Variants in PDE4B observed in about 807,000 individuals in gnomAD.
PDE4B encodes the protein 3',5'-cyclic-AMP phosphodiesterase 4B.
A neutral mutation model predicts 82.2 loss-of-function variants in PDE4B; 20 were observed. The ratio of observed to expected loss-of-function variants is 0.24; its 90% CI spans 0.17 to 0.35. The LOEUF (loss-of-function observed/expected upper bound fraction) is 0.35, where lower values mean the gene tolerates loss of function less well. Ranked by LOEUF, PDE4B falls within the 10% of genes least tolerant of loss-of-function variation. The pLI is 1.00. For missense variants in PDE4B, 655 were observed against 907.2 expected (o/e 0.72, Z 3.57); for synonymous variants, 320 against 318.9 (o/e 1.00, Z -0.04).
intron 3 of PDE4B, among the ~76,000 whole-genome samples, chr1:66,222,898 C>A (rs1651112418): frequency 6.6e-6 from 1 of 151,982 alleles, no homozygotes; most frequent in Non-Finnish European, 1.5e-5. Context: ...ATCTTAATGG[C>A]TTTTCATTAT....
chr1:65,846,559 A>G (rs113234023), intron 1 of PDE4B, among the ~76,000 whole-genome samples: 1,655 of 152,258 alleles, frequency 0.011, 38 homozygotes, highest in African/African-American at 0.037. Context: ...CTTTGAGTTA[A>G]TTTAATTTAT....
At chr1:66,046,548 C>A (rs974735370) in intron 3 of PDE4B, among the ~76,000 whole-genome samples, 1 of 151,746 alleles carries the variant, frequency 6.6e-6, no homozygotes, top group Non-Finnish European at 1.5e-5. Context: ...CAGGAGTGAG[C>A]AAGATACATC....
intron 3 of PDE4B, among the ~76,000 whole-genome samples, chr1:65,972,089 T>C (rs1650169208): frequency 1.3e-5 from 2 of 152,210 alleles, no homozygotes; most frequent in Non-Finnish European, 2.9e-5. Flanking sequence ...TGGTAATATA[T>C]TATGACTGTG....
chr1:65,887,247 T>TTTCTTTCC lies in PDE4B; in HGVS notation c.-70-25996_-70-25995insCTTTCCTT, dbSNP rs1297971405. ...CTTTCTTTCTTTCTTTCTTTCTTTC[T>TTTCTTTCC]TTTCTTTCTTTCTTTCCTTCCTTCT... is the stretch of plus-strand genomic sequence containing the variant. On this transcript the variant is annotated intron_variant, in intron 1 of 16. Coordinates refer to ENST00000341517, the MANE Select transcript of PDE4B (RefSeq NM_002600.4). 1.3e-4 allele frequency among the ~76,000 whole-genome samples: 5 copies of TTTCTTTCC among 37,728 alleles called. 1 individual carries two copies. Among genetic ancestry groups the TTTCTTTCC allele is most frequent in the African/African-American group, 5.3e-4 (5 of 9,446 alleles). 24.8% of individuals were successfully genotyped at this position (37,728 alleles called of 152,430 possible).
At chr1:66,272,342 GGTT>G (rs1447531588) in intron 7 of PDE4B, among the ~76,000 whole-genome samples, 1 of 152,142 alleles carries the variant, frequency 6.6e-6, no homozygotes, top group African/African-American at 2.4e-5. Flanking sequence ...CTTCAAATCT[GGTT>G]GTCAGAAACT....
intron 7 of PDE4B, among the ~76,000 whole-genome samples, chr1:66,309,884 C>A (rs776316484): frequency 2.0e-5 from 3 of 152,176 alleles, no homozygotes; most frequent in Non-Finnish European, 2.9e-5. Context: ...TGGCTTCAAG[C>A]AGCCACTTAG....
intron 1 of PDE4B, among the ~76,000 whole-genome samples, chr1:65,797,215 A>G (rs892487586): frequency 6.6e-6 from 1 of 152,088 alleles, no homozygotes; most frequent in Admixed American, 6.5e-5. Context: ...CGGCCTCCCA[A>G]AGTGCTGGGA....
At chr1:65,795,895 C>A (rs1274054378) in intron 1 of PDE4B, among the ~76,000 whole-genome samples, 4 of 152,176 alleles carry the variant, frequency 2.6e-5, no homozygotes, top group Non-Finnish European at 4.4e-5. Context: ...ATGTTCTTAC[C>A]CCATACATTC....
At chr1:66,334,816 G>T (rs549471535) in intron 8 of PDE4B, among the ~76,000 whole-genome samples, 1 of 152,146 alleles carries the variant, frequency 6.6e-6, no homozygotes, top group African/African-American at 2.4e-5. Flanking sequence ...TATGATATAA[G>T]GCAATGAGGC....
chr1:66,059,334 C>T (rs933296913), intron 3 of PDE4B, among the ~76,000 whole-genome samples: 2 of 152,208 alleles, frequency 1.3e-5, no homozygotes, highest in Non-Finnish European at 2.9e-5. Flanking sequence ...CCAAACTGTT[C>T]CAACCTCTGC....
chr1:66,045,027 C>T (rs975741787), intron 3 of PDE4B, among the ~76,000 whole-genome samples: 2 of 151,580 alleles, frequency 1.3e-5, no homozygotes, highest in African/African-American at 4.8e-5. Flanking sequence ...AATAACCAGC[C>T]ACTATATGTA....
chr1:65,886,313 T>C (rs1646776129), intron 1 of PDE4B, among the ~76,000 whole-genome samples: 1 of 152,160 alleles, frequency 6.6e-6, no homozygotes, highest in Admixed American at 6.6e-5. Context: ...ATGCGCTGAC[T>C]CTAATGATCA....
chr1:66,045,468 G>A (rs1654651383), intron 3 of PDE4B, among the ~76,000 whole-genome samples: 1 of 151,690 alleles, frequency 6.6e-6, no homozygotes, highest in Non-Finnish European at 1.5e-5. Flanking sequence ...TTTCTAGCAT[G>A]TCTTTCTGAA....
intron 7 of PDE4B, among the ~76,000 whole-genome samples, chr1:66,281,507 T>C (rs1291266804): frequency 1.3e-5 from 2 of 152,218 alleles, no homozygotes; most frequent in Admixed American, 6.5e-5. Context: ...CCTAGACATA[T>C]GTAGGAAGTT....
At chr1:66,362,461 G>T (rs1270797675) in intron 10 of PDE4B, among the ~76,000 whole-genome samples, 1 of 152,136 alleles carries the variant, frequency 6.6e-6, no homozygotes, top group African/African-American at 2.4e-5. Flanking sequence ...CCTTCTGAAA[G>T]CTGTCATTAG....
chr1:66,001,106 CAGATAA>C (rs772811821), intron 3 of PDE4B, among the ~76,000 whole-genome samples: 78 of 152,140 alleles, frequency 5.1e-4, no homozygotes, highest in Admixed American at 1.1e-3. Flanking sequence ...CAGACATTTC[CAGATAA>C]TTTATAATAT....
chr1:66,043,829 G>A (rs149223729), intron 3 of PDE4B, among the ~76,000 whole-genome samples: 1 of 151,628 alleles, frequency 6.6e-6, no homozygotes, highest in Non-Finnish European at 1.5e-5. Context: ...CATGGATGGT[G>A]AAAAAATTTT....
intron 1 of PDE4B, among the ~76,000 whole-genome samples, chr1:65,835,835 T>C (rs1477993173): frequency 1.3e-5 from 2 of 152,178 alleles, no homozygotes; most frequent in African/African-American, 4.8e-5. Context: ...TTCTGAGTTG[T>C]CTTGAAAATT....
intron 3 of PDE4B, among the ~76,000 whole-genome samples, chr1:66,240,604 A>C (rs1297720787): frequency 6.6e-6 from 1 of 152,176 alleles, no homozygotes; most frequent in East Asian, 1.9e-4. Flanking sequence ...ATTTCTCACT[A>C]TCTGAAACTA....
Sources: allele counts gnomAD v4.1 joint callset (sites outside exome capture counted in the v4.1 genomes callset), GRCh38; gene constraint gnomAD v4.1.1; transcripts MANE v1.5; gene names NCBI Gene and HGNC (gene_info 2026-07-23, HGNC 2026-07-21).